The following ME1 variants were observed in gnomAD, a reference collection of about 807,000 sequenced individuals.
ME1 encodes NADP-dependent malic enzyme.
Under a neutral mutation model 66.4 loss-of-function variants are expected in ME1, and 74 were observed. The ratio of observed to expected loss-of-function variants is 1.11; its 90% CI spans 0.92 to 1.35. The LOEUF is 1.35. ME1 is among the 40% of genes most tolerant of loss of function. The probability of loss-of-function intolerance (pLI) is 0.00; values close to 1 mark genes in which losing one functional copy is unlikely to be tolerated. For missense variants in ME1, 750 were observed against 694.1 expected, an observed-to-expected ratio of 1.08 and a Z score of -0.90; for synonymous variants, 251 against 235.6, an observed-to-expected ratio of 1.07 and a Z score of -0.60.
chr6:83,405,468 C>T (rs1769921120), intron 2 of ME1, among the ~76,000 whole-genome samples: 1 of 152,114 alleles, frequency 6.6e-6, no homozygotes. Flanking sequence ...TATTTGACTT[C>T]CTCTCTTCCT....
At chr6:83,333,685 A>C (rs956693883) in intron 5 of ME1, among the ~76,000 whole-genome samples, 20 of 152,184 alleles carry the variant, frequency 1.3e-4, no homozygotes, top group South Asian at 2.1e-4. Flanking sequence ...AAGTTAATCC[A>C]GAATCTTAAA....
At chr6:83,319,793 G>A (rs536536250) in intron 5 of ME1, among the ~76,000 whole-genome samples, 2 of 152,290 alleles carry the variant, frequency 1.3e-5, no homozygotes, top group East Asian at 1.9e-4. Context: ...CTGGCAACAT[G>A]TGCCCAGTTA....
At chr6:83,298,008 T>A (rs1189732472) in intron 6 of ME1, among the ~76,000 whole-genome samples, 1 of 152,248 alleles carries the variant, frequency 6.6e-6, no homozygotes, top group Non-Finnish European at 1.5e-5. Context: ...TTGTGAATAG[T>A]GCTGCAATGA....
At chr6:83,395,838 A>G (rs1303043631) in intron 3 of ME1, among the ~76,000 whole-genome samples, 1 of 151,832 alleles carries the variant, frequency 6.6e-6, no homozygotes, top group East Asian at 2.0e-4. Flanking sequence ...AGGCAAGCAA[A>G]AGAAAAAAAA....
At chr6:83,406,448 C>G (rs1254813769) in intron 2 of ME1, among the ~76,000 whole-genome samples, 1 of 152,132 alleles carries the variant, frequency 6.6e-6, no homozygotes, top group Non-Finnish European at 1.5e-5. Flanking sequence ...AGCTGTGAAT[C>G]CATCTGATCC....
chr6:83,404,647 GT>G (rs1769902511), intron 2 of ME1, among the ~76,000 whole-genome samples: 1 of 152,116 alleles, frequency 6.6e-6, no homozygotes, highest in Non-Finnish European at 1.5e-5. Context: ...TAGGTCTTAC[GT>G]TTAAATCGTT....
intron 5 of ME1, among the ~76,000 whole-genome samples, chr6:83,320,707 G>A (rs576703772): frequency 5.3e-5 from 8 of 152,206 alleles, no homozygotes; most frequent in African/African-American, 1.2e-4. Context: ...AAAATGCTAC[G>A]TTTCCCCTTC....
chr6:83,305,087 T>A (rs1033745976), intron 6 of ME1, among the ~76,000 whole-genome samples: 1 of 152,196 alleles, frequency 6.6e-6, no homozygotes, highest in East Asian at 1.9e-4. Context: ...CATGTTTAAA[T>A]GAAATAATTT....
At chr6:83,307,893 T>G (rs1767855382) in intron 6 of ME1, among the ~76,000 whole-genome samples, 1 of 152,120 alleles carries the variant, frequency 6.6e-6, no homozygotes, top group South Asian at 2.1e-4. Flanking sequence ...AGAAATAAAT[T>G]TAGTATATCT....
chr6:83,298,043 A>G (rs1562473317), intron 6 of ME1, among the ~76,000 whole-genome samples: 1 of 152,184 alleles, frequency 6.6e-6, no homozygotes, highest in Non-Finnish European at 1.5e-5. Flanking sequence ...GTATCTTTAT[A>G]ATAGAATGAT....
chr6:83,243,594 T>C (rs1452251758), intron 7 of ME1, among the ~76,000 whole-genome samples: 992 of 48,288 alleles, frequency 0.021, 13 homozygotes, highest in African/African-American at 0.03. Context: ...ATCGATATAA[T>C]CTATTATAAT....
In ME1 at chr6:83,330,572, C is replaced by T. The variant is rs74463397; in HGVS notation, c.601-15159G>A. On this transcript the variant is annotated intron_variant, in intron 5 of 13. Transcript: ENST00000369705. ...GAGAACTTGTATTATTAAGTTATTT[C>T]GAACTTGTATTATTAAGTTAAAATA... Among the ~76,000 whole-genome samples, 333 of 152,248 alleles carry T rather than the reference C, an allele frequency of 2.2e-3. 4 individuals are homozygous for T. Among genetic ancestry groups the T allele is most frequent in the East Asian group, 0.014 (71 of 5,184 alleles).
chr6:83,399,730 A>C (rs1246779776), intron 2 of ME1, among the ~76,000 whole-genome samples: 1 of 152,232 alleles, frequency 6.6e-6, no homozygotes, highest in Non-Finnish European at 1.5e-5. Context: ...GCTCAGTTCA[A>C]CTTAAAAGAA....
intron 7 of ME1, among the ~76,000 whole-genome samples, chr6:83,248,551 G>A (rs1790663499): frequency 6.6e-6 from 1 of 152,126 alleles, no homozygotes; most frequent in Admixed American, 6.5e-5. Context: ...CACATGTTGA[G>A]GGAGGGACCT....
At chr6:83,352,206 T>C in intron 3 of ME1, 67 bp from the exon 4 acceptor site, 1 of 1,006,714 alleles carries the variant, frequency 9.9e-7, no homozygotes, top group Non-Finnish European at 1.4e-6. Flanking sequence ...CTACCATGAA[T>C]ATCTTAAATT....
intron 1 of ME1, among the ~76,000 whole-genome samples, chr6:83,409,080 A>G (rs1272404132): frequency 6.6e-6 from 1 of 152,170 alleles, no homozygotes; most frequent in Non-Finnish European, 1.5e-5. Context: ...CCATGTGAGG[A>G]CACAGCAAGA....
At chr6:83,324,572 A>T (rs1768246629) in intron 5 of ME1, among the ~76,000 whole-genome samples, 1 of 151,862 alleles carries the variant, frequency 6.6e-6, no homozygotes, top group South Asian at 2.1e-4. Context: ...CAAATAAACT[A>T]GTAAATAACC....
chr6:83,356,936 C>T (rs1057166320), intron 3 of ME1, among the ~76,000 whole-genome samples: 2 of 152,062 alleles, frequency 1.3e-5, no homozygotes, highest in African/African-American at 2.4e-5. Context: ...CAATATTGTC[C>T]TTCATAATAA....
chr6:83,246,996 C>A (rs1340812961), intron 7 of ME1, among the ~76,000 whole-genome samples: 1 of 152,036 alleles, frequency 6.6e-6, no homozygotes, highest in African/African-American at 2.4e-5. Flanking sequence ...CCATGGTATC[C>A]TTTTGTGAGT....
Sources: allele counts gnomAD v4.1 joint callset (sites outside exome capture counted in the v4.1 genomes callset), GRCh38; gene constraint gnomAD v4.1.1; transcripts MANE v1.5; gene names NCBI Gene and HGNC (gene_info 2026-07-23, HGNC 2026-07-21).